HNRNPA1L2: variants seen among roughly 807,000 people sequenced by gnomAD.
The protein encoded by HNRNPA1L2 is heterogeneous nuclear ribonucleoprotein A1-like 2.
A neutral mutation model predicts 18.2 loss-of-function variants in HNRNPA1L2; 10 were observed. The observed-to-expected ratio is 0.55, with a 90% CI of 0.34 to 0.93. HNRNPA1L2 has a LOEUF of 0.93. Among genes scored for constraint, HNRNPA1L2 ranks in the 40% least tolerant of loss-of-function variants. The pLI is 0.02. For missense variants in HNRNPA1L2, 308 were observed against 394.4 expected, an observed-to-expected ratio of 0.78 and a Z score of 1.85; for synonymous variants, 124 against 138.6, an observed-to-expected ratio of 0.89 and a Z score of 0.74.
upstream of HNRNPA1L2, chr13:52,641,083 T>C (rs1446288245): frequency 6.6e-6 from 1 of 152,230 alleles, no homozygotes; most frequent in African/African-American, 2.4e-5. Flanking sequence ...TGTCCCGATA[T>C]TACATCTTGA....
At position 52,643,437 on chromosome 13, in the gene HNRNPA1L2, C is replaced by T. The variant is rs376848381; in HGVS notation, c.945C>T (p.Gly315=). ...YGVSSSSSSY[G]SGRRF ...TTTCCAGCAGCAGCAGTAGCTATGG[C>T]AGTGGCAGAAGATTTTAATTAGGAA... Residue 315 remains glycine (G), a synonymous_variant, in exon 1 of 1, where the codon GGC becomes GGT. Coordinates refer to ENST00000357495, the MANE Select transcript of HNRNPA1L2 (RefSeq NM_001389320.1). 5 of 1,597,998 alleles carry T rather than the reference C, an allele frequency of 3.1e-6. No individual in the cohort carries two copies. The highest frequency in any genetic ancestry group is 4.2e-6 in the Non-Finnish European group (5 of 1,179,634).
the HNRNPA1L2 span, among the ~76,000 whole-genome samples, chr13:52,635,961 C>T: frequency 6.6e-6 from 1 of 151,888 alleles, no homozygotes; most frequent in Admixed American, 6.6e-5. Context: ...CTCAGTCTCC[C>T]GAGTAGCTGG....
rs1470746881 is a variant in HNRNPA1L2, at chr13:52,642,947, C to T, written c.455C>T (p.Thr152Ile). The change falls in exon 1 of 1, where the codon ACC becomes ATC. Residue 152 changes from threonine (T) to isoleucine (I), a missense_variant. Thr to Ile is a moderately conservative substitution (Grantham distance 89, BLOSUM62 -1). Transcript: ENST00000357495. ...SGKKRGFAFV[T>I]FDDHDSVDKI... ...AAGAAAAGGGGCTTTGCCTTTGTAA[C>T]CTTTGACGACCATGACTCCGTGGAT... 6.3e-7 allele frequency: 1 copy of T among 1,597,134 alleles called. No individual in the cohort carries two copies. The highest frequency in any genetic ancestry group is 8.5e-7 in the Non-Finnish European group (1 of 1,179,806).
chr13:52,639,618 T>G (rs1228090248), upstream of HNRNPA1L2, among the ~76,000 whole-genome samples: 2 of 151,034 alleles, frequency 1.3e-5, no homozygotes, highest in East Asian at 1.9e-4. Flanking sequence ...TCCTGAATTT[T>G]TAACAGTTCT....
rs1462807532 is a variant in HNRNPA1L2 at position 52,642,905 on chromosome 13, C to T, written c.413C>T (p.Thr138Ile). ...YGKIEVIEIMTDRGSGKKRGF... is the reference protein window; with the variant it reads ...YGKIEVIEIMIDRGSGKKRGF... The stretch of plus-strand genomic sequence containing the variant: ...AAAATTGAAGTAATTGAAATCATGA[C>T]TGACCGAGGCAGTGGCAAGAAAAGG... The change falls in exon 1 of 1, where the codon ACT (threonine) becomes ATT (isoleucine). Residue 138 changes from threonine to isoleucine, a missense_variant. By Grantham distance (89) the Thr-to-Ile change is moderately conservative. Transcript: ENST00000357495. The T allele has an allele frequency of 6.3e-7, 1 of 1,596,818 alleles. No individual in the cohort carries two copies. The highest frequency in any genetic ancestry group is 1.3e-5 in the African/African-American group (1 of 74,974).
chr13:52,622,478 A>G, the HNRNPA1L2 span, among the ~76,000 whole-genome samples: 1 of 152,202 alleles, frequency 6.6e-6, no homozygotes, highest in African/African-American at 2.4e-5. Context: ...ATATCTGTAC[A>G]CAATCCAGTG....
At chr13:52,636,636 T>C in the HNRNPA1L2 span, among the ~76,000 whole-genome samples, 1 of 152,232 alleles carries the variant, frequency 6.6e-6, no homozygotes, top group Non-Finnish European at 1.5e-5. Flanking sequence ...CATTAGTGAC[T>C]AATTTTGATA....
chr13:52,642,909 C>A lies in HNRNPA1L2; in HGVS notation c.417C>A (p.Asp139Glu), dbSNP rs1256591635. The A allele has an allele frequency of 1.4e-5, 23 of 1,596,826 alleles. No individual in the cohort carries two copies. The highest frequency in any genetic ancestry group is 1.9e-5 in the Non-Finnish European group (23 of 1,179,770). ...GKIEVIEIMTDRGSGKKRGFA... is the reference protein window; with the variant it reads ...GKIEVIEIMTERGSGKKRGFA... ...TTGAAGTAATTGAAATCATGACTGA[C>A]CGAGGCAGTGGCAAGAAAAGGGGCT... The change falls in exon 1 of 1, where the codon GAC becomes GAA. Residue 139 changes from aspartate (D) to glutamate (E), a missense_variant. Transcript: ENST00000357495.
chr13:52,629,781 C>T, the HNRNPA1L2 span, among the ~76,000 whole-genome samples: 2 of 152,096 alleles, frequency 1.3e-5, no homozygotes, highest in Non-Finnish European at 2.9e-5. Flanking sequence ...AAATGACCCA[C>T]CATCAACGAA....
chr13:52,627,083 A>G, the HNRNPA1L2 span, among the ~76,000 whole-genome samples: 4 of 152,308 alleles, frequency 2.6e-5, no homozygotes, highest in Non-Finnish European at 5.9e-5. Flanking sequence ...GTTTGGGGCT[A>G]TTATGAGTAA....
chr13:52,629,008 T>C, the HNRNPA1L2 span, among the ~76,000 whole-genome samples: 1 of 152,160 alleles, frequency 6.6e-6, no homozygotes, highest in Admixed American at 6.5e-5. Flanking sequence ...CCCAAGTAGC[T>C]GGGATTACTG....
the HNRNPA1L2 span, among the ~76,000 whole-genome samples, chr13:52,632,908 C>T: frequency 3.4e-3 from 523 of 152,320 alleles, 1 homozygote; most frequent in Admixed American, 6.5e-3. Flanking sequence ...GACACCTGCT[C>T]CTCAGCTAGG....
the HNRNPA1L2 span, among the ~76,000 whole-genome samples, chr13:52,626,900 C>G: frequency 2.0e-5 from 3 of 152,138 alleles, no homozygotes; most frequent in Admixed American, 6.6e-5. Context: ...TTTGCCTGTT[C>G]TGGCACTTGA....
chr13:52,619,806 C>T, the HNRNPA1L2 span, among the ~76,000 whole-genome samples: 3 of 151,268 alleles, frequency 2.0e-5, no homozygotes, highest in Non-Finnish European at 2.9e-5. Context: ...CTGTAGTCCC[C>T]GCTACTCGGG....
rs1183076317 is a variant in HNRNPA1L2 at position 52,643,340 on chromosome 13, G to T, written c.848G>T (p.Gly283Val). 1.3e-6 allele frequency: 2 copies of T among 1,598,000 alleles called. No individual in the cohort carries two copies. The highest frequency in any genetic ancestry group is 1.7e-6 in the Non-Finnish European group (2 of 1,179,740). ...FGPMKGGNFG[G>V]RSSGPYGGGG... ...CCCATGAAGGGAGGAAATTTTGGAG[G>T]CAGAAGCTCTGGCCCCTATGGCGGT... The change falls in exon 1 of 1, where the codon GGC becomes GTC. Residue 283 changes from glycine to valine, a missense_variant. Transcript: ENST00000357495.
the HNRNPA1L2 span, among the ~76,000 whole-genome samples, chr13:52,621,079 A>G: frequency 6.6e-6 from 1 of 152,180 alleles, no homozygotes; most frequent in Admixed American, 6.5e-5. Flanking sequence ...TGAAACTAAC[A>G]CATTCAAAGA....
chr13:52,643,551 G>A lies in HNRNPA1L2; in HGVS notation c.*96G>A. On this transcript the variant is annotated 3_prime_UTR_variant, in exon 1 of 1. Transcript: ENST00000357495. ...TGTGAACTCAGCCAAGCACAGTGGT[G>A]GCAGGGCCTAGCTGCTACAAAGAAG... The A allele has an allele frequency of 1.0e-6, 1 of 970,752 alleles. No homozygotes were observed. Among genetic ancestry groups the A allele is most frequent in the Admixed American group, 1.9e-5 (1 of 51,836 alleles). 60.1% of individuals were successfully genotyped at this position (970,752 alleles called of 1,614,324 possible).
chr13:52,638,070 A>G (rs1333080813), upstream of HNRNPA1L2, among the ~76,000 whole-genome samples: 1 of 152,210 alleles, frequency 6.6e-6, no homozygotes, highest in African/African-American at 2.4e-5. Context: ...ATAAACTGAG[A>G]CAATCAAATA....
the HNRNPA1L2 span, among the ~76,000 whole-genome samples, chr13:52,630,819 T>G: frequency 6.6e-6 from 1 of 152,206 alleles, no homozygotes. Context: ...TACATATTAT[T>G]GAATAAAGTA....
Sources: allele counts gnomAD v4.1 joint callset (sites outside exome capture counted in the v4.1 genomes callset), GRCh38; gene constraint gnomAD v4.1.1; transcripts MANE v1.5; gene names NCBI Gene and HGNC (gene_info 2026-07-23, HGNC 2026-07-21).